The following ZNF532 variants were observed in gnomAD, a reference collection of about 807,000 sequenced individuals.
ZNF532 encodes zinc finger protein 532.
ZNF532 carries 22 observed loss-of-function variants against 89.3 expected under a neutral mutation model. That is an observed-to-expected ratio of 0.25 (90% CI 0.18 to 0.35). The LOEUF (loss-of-function observed/expected upper bound fraction) is 0.35. Among genes scored for constraint, ZNF532 ranks in the 10% least tolerant of loss-of-function variants. ZNF532 has a pLI of 1.00. For missense variants in ZNF532, 1,132 were observed against 1,643.4 expected (o/e 0.69, Z 5.38); for synonymous variants, 606 against 649.6 (o/e 0.93, Z 1.02).
Position 58,918,662 on chromosome 18 carries a change from A to C in ZNF532, c.375A>C (p.Thr125=), listed in dbSNP as rs1271818174. ...CTGAGGTGACACTGAAAGACTCGAC[A>C]TTCAGCCAGTTTAGCCCGATCTCCA... The part of the protein sequence containing the change: ...PASEVTLKDS[T]FSQFSPISSA... The change falls in exon 3 of 10, where the codon ACA becomes ACC. Residue 125 remains threonine (T), a synonymous_variant. Transcript: ENST00000591808. 6.2e-7 allele frequency: 1 copy of C among 1,614,186 alleles called. No individual in the cohort carries two copies.
chr18:58,880,765 C>CGTGTGTGTGT (rs1367707974), intron 2 of ZNF532, among the ~76,000 whole-genome samples: 4 of 131,188 alleles, frequency 3.0e-5, no homozygotes, highest in East Asian at 7.3e-4. Context: ...CGCGCGCACG[C>CGTGTGTGTGT]GCGCGCGTCT....
At chr18:58,895,596 C>T (rs1248137424) in intron 2 of ZNF532, among the ~76,000 whole-genome samples, 1 of 152,170 alleles carries the variant, frequency 6.6e-6, no homozygotes, top group Non-Finnish European at 1.5e-5. Context: ...GGCTGGCTGC[C>T]AGTCTATATC....
chr18:58,935,049 G>T (rs1448939864), intron 4 of ZNF532, among the ~76,000 whole-genome samples: 1 of 148,482 alleles, frequency 6.7e-6, no homozygotes, highest in Non-Finnish European at 1.5e-5. Context: ...TGAAAGATGG[G>T]GTGTATGTTC....
chr18:58,925,177 C>T (rs909036537), intron 3 of ZNF532, among the ~76,000 whole-genome samples: 7 of 152,100 alleles, frequency 4.6e-5, no homozygotes, highest in Non-Finnish European at 2.9e-5. Context: ...GGTATTTGCA[C>T]GTTTAGACTC....
At position 58,874,060 on chromosome 18, in the gene ZNF532, C is replaced by T. The variant is rs552662334; in HGVS notation, c.-18+8481C>T. Among the ~76,000 whole-genome samples, 29 of 152,170 alleles carry T rather than the reference C, an allele frequency of 1.9e-4. 1 individual carries two copies. The East Asian group carries it at 5.2e-3, about 27-fold the overall frequency. ...TAGCTGTTGTTTTGTGGTCTTTGGT[C>T]TCTGTTTTGGGAGAGTAGCCTTAGT... is the stretch of plus-strand genomic sequence containing the variant. On this transcript the variant is annotated intron_variant, in intron 2 of 9. Transcript: ENST00000591808.
intron 2 of ZNF532, among the ~76,000 whole-genome samples, chr18:58,908,364 G>A (rs1477097257): frequency 4.6e-5 from 7 of 152,192 alleles, no homozygotes; most frequent in Non-Finnish European, 1.0e-4. Context: ...TCAGGGAACT[G>A]TATGGATAGG....
chr18:58,918,550 G>C lies in ZNF532; in HGVS notation c.263G>C (p.Gly88Ala). 1 of 1,614,176 alleles carries C rather than the reference G, an allele frequency of 6.2e-7. No homozygotes were observed. The highest frequency in any genetic ancestry group is 8.5e-7 in the Non-Finnish European group (1 of 1,180,036). Residue 88 changes from glycine to alanine, a missense_variant, in exon 3 of 10, where the codon GGC (glycine) becomes GCC (alanine). This residue lies in a region of ZNF532 where 302 missense variants were observed against 319.8 expected (regional missense o/e 0.94). Transcript: ENST00000591808. ...EKDGHNPTGN[G>A]LHNGFLTASS... ...GACGGCCACAACCCCACTGGCAATG[G>C]CTTACATAATGGGTTTCTCACAGCA...
intron 4 of ZNF532, among the ~76,000 whole-genome samples, chr18:58,937,130 T>C (rs896962514): frequency 1.3e-4 from 20 of 152,184 alleles, no homozygotes; most frequent in Admixed American, 2.6e-4. Context: ...AGGGGAATGG[T>C]TATAGGATTT....
chr18:58,890,737 C>G (rs2058836389), intron 2 of ZNF532, among the ~76,000 whole-genome samples: 1 of 151,902 alleles, frequency 6.6e-6, no homozygotes, highest in Non-Finnish European at 1.5e-5. Flanking sequence ...TCCATCCTGC[C>G]CTCTAGCTTC....
chr18:58,938,477 A>G (rs545609305), intron 4 of ZNF532, among the ~76,000 whole-genome samples: 1 of 152,378 alleles, frequency 6.6e-6, no homozygotes, highest in East Asian at 1.9e-4. Context: ...TTCATAAAGT[A>G]AGGAGGTTAG....
At chr18:58,882,745 C>G (rs1264657489) in intron 2 of ZNF532, among the ~76,000 whole-genome samples, 4 of 152,244 alleles carry the variant, frequency 2.6e-5, no homozygotes, top group Admixed American at 6.5e-5. Context: ...CATCCCCAGT[C>G]TCCAAAGAGA....
chr18:58,918,649 T>C lies in ZNF532; in HGVS notation c.362T>C (p.Leu121Pro). The change falls in exon 3 of 10, where the codon CTG (leucine) becomes CCG (proline). Residue 121 changes from leucine (L) to proline (P), a missense_variant. Physicochemically the swap from Leu to Pro is moderately conservative, Grantham distance 98. This residue lies in a region of ZNF532 where 302 missense variants were observed against 319.8 expected (regional missense o/e 0.94). Coordinates refer to ENST00000591808, the MANE Select transcript of ZNF532 (RefSeq NM_001375912.1). ...KGDVPASEVT[L>P]KDSTFSQFSP... is the part of the protein sequence containing the mutation. ...GATGTGCCTGCCTCTGAGGTGACAC[T>C]GAAAGACTCGACATTCAGCCAGTTT... 2 of 1,614,170 alleles carry C rather than the reference T, an allele frequency of 1.2e-6. No homozygotes were observed. Among genetic ancestry groups the C allele is most frequent in the Non-Finnish European group, 1.7e-6 (2 of 1,180,036 alleles).
chr18:58,870,012 C>T (rs1000690684), intron 2 of ZNF532, among the ~76,000 whole-genome samples: 2 of 150,750 alleles, frequency 1.3e-5, no homozygotes, highest in African/African-American at 2.4e-5. Context: ...GTGATCCGCC[C>T]GCCTCAACCT....
At chr18:58,880,747 C>A (rs1415843477) in intron 2 of ZNF532, among the ~76,000 whole-genome samples, 1 of 95,862 alleles carries the variant, frequency 1.0e-5, no homozygotes, top group South Asian at 3.1e-4. Context: ...TGAGCCCTCT[C>A]ATAGGCGCGC....
At chr18:58,869,401 A>C (rs551283265) in intron 2 of ZNF532, among the ~76,000 whole-genome samples, 1 of 152,386 alleles carries the variant, frequency 6.6e-6, no homozygotes, top group Non-Finnish European at 1.5e-5. Flanking sequence ...AAGTGGAAAC[A>C]GAAAACTGCA....
At chr18:58,918,002 T>C (rs569132489) in intron 2 of ZNF532, among the ~76,000 whole-genome samples, 1 of 152,334 alleles carries the variant, frequency 6.6e-6, no homozygotes, top group African/African-American at 2.4e-5. Context: ...GCAGTTTCAA[T>C]CAACTTCATT....
intron 2 of ZNF532, among the ~76,000 whole-genome samples, chr18:58,893,809 C>CT: frequency 6.6e-6 from 1 of 152,038 alleles, no homozygotes; most frequent in Admixed American, 6.5e-5. Flanking sequence ...AAAGGTTTGC[C>CT]TTTTGCTTCT....
chr18:58,892,126 C>T (rs1305987791), intron 2 of ZNF532, among the ~76,000 whole-genome samples: 16 of 146,514 alleles, frequency 1.1e-4, no homozygotes, highest in Admixed American at 1.1e-3. Context: ...CCATTTCTCT[C>T]ATCTTTCATT....
intron 3 of ZNF532, among the ~76,000 whole-genome samples, chr18:58,932,743 A>G (rs1483127007): frequency 6.6e-6 from 1 of 152,122 alleles, no homozygotes. Context: ...GAGATGATGT[A>G]CTTCAATTTA....
Sources: allele counts gnomAD v4.1 joint callset (sites outside exome capture counted in the v4.1 genomes callset), GRCh38; gene constraint gnomAD v4.1.1; regional missense constraint gnomAD v4.1.1; transcripts MANE v1.5; gene names NCBI Gene and HGNC (gene_info 2026-07-23, HGNC 2026-07-21).